Variants in FAM240B observed in about 807,000 individuals in gnomAD.
FAM240B encodes family with sequence similarity 240 member B.
chr9:38,694,487 G>A lies in FAM240B; in HGVS notation c.*289C>T, dbSNP rs7045141. On this transcript the variant is annotated 3_prime_UTR_variant, in exon 3 of 3. Transcript: ENST00000637493. ...ACAAGGAAATGTGGAAATATACTAGGCTACATGGGTCTGTGAGACCTGGAG... is the reference window on the plus strand; with the variant it reads ...ACAAGGAAATGTGGAAATATACTAGACTACATGGGTCTGTGAGACCTGGAG... 2,131 of 290,120 alleles carry A rather than the reference G, an allele frequency of 7.3e-3. 31 individuals are homozygous for A. The highest frequency in any genetic ancestry group is 0.042 in the African/African-American group (1,923 of 46,334). 18.0% of individuals were successfully genotyped at this position (290,120 alleles called of 1,614,324 possible).
intron 2 of FAM240B, among the ~76,000 whole-genome samples, chr9:38,699,591 A>T (rs966216788): frequency 5.9e-5 from 9 of 152,196 alleles, no homozygotes; most frequent in Non-Finnish European, 1.2e-4. Context: ...GAGCCATGTC[A>T]TGCAGGAATT....
chr9:38,704,899 A>G (rs1821171302), intron 1 of FAM240B, among the ~76,000 whole-genome samples: 1 of 152,232 alleles, frequency 6.6e-6, no homozygotes, highest in Non-Finnish European at 1.5e-5. Flanking sequence ...GTCCATCTTC[A>G]GAGCCAGTGC....
rs192626155 is a variant in FAM240B at position 38,712,421 on chromosome 9, T to A, written c.-4+7601A>T. Among the ~76,000 whole-genome samples the A allele has an allele frequency of 3.0e-4, 46 of 152,344 alleles. 1 individual carries two copies. The East Asian group carries it at 8.3e-3, about 27-fold the overall frequency. ...TAGTATCTGCTCAATATTAAATGTG[T>A]CTCATCATCATTATCTATATTTCTA... On this transcript the variant is annotated intron_variant, in intron 1 of 2. Transcript: ENST00000637493.
chr9:38,715,863 A>G (rs572720129), intron 1 of FAM240B, among the ~76,000 whole-genome samples: 92 of 152,262 alleles, frequency 6.0e-4, no homozygotes, highest in African/African-American at 2.1e-3. Context: ...GGGTGCACAT[A>G]GAGTCGAAAT....
intron 1 of FAM240B, among the ~76,000 whole-genome samples, chr9:38,709,542 T>A (rs1353494152): frequency 6.6e-6 from 1 of 152,190 alleles, no homozygotes; most frequent in African/African-American, 2.4e-5. Flanking sequence ...CTATGCCATA[T>A]GCATATGGTG....
chr9:38,718,735 A>C (rs1564002837), intron 1 of FAM240B, among the ~76,000 whole-genome samples: 3 of 138,594 alleles, frequency 2.2e-5, no homozygotes. Flanking sequence ...GGACATATAC[A>C]TAGTTTGAGA....
intron 2 of FAM240B, among the ~76,000 whole-genome samples, chr9:38,696,619 C>T (rs1010312891): frequency 2.0e-5 from 3 of 152,038 alleles, no homozygotes; most frequent in African/African-American, 7.2e-5. Flanking sequence ...ACCATCCTGG[C>T]TAACATGGTG....
chr9:38,695,101 C>T (rs2118995491), intron 2 of FAM240B, among the ~76,000 whole-genome samples: 1 of 152,234 alleles, frequency 6.6e-6, no homozygotes, highest in East Asian at 1.9e-4. Flanking sequence ...AGGACAAATA[C>T]CTAATGCATG....
At chr9:38,712,857 C>T (rs183232428) in intron 1 of FAM240B, among the ~76,000 whole-genome samples, 156 of 152,290 alleles carry the variant, frequency 1.0e-3, no homozygotes, top group Middle Eastern at 3.4e-3. Flanking sequence ...GGGCTGTGAA[C>T]CCACAATGTC....
intron 1 of FAM240B, among the ~76,000 whole-genome samples, chr9:38,712,898 C>A (rs1025985731): frequency 6.6e-6 from 1 of 152,156 alleles, no homozygotes; most frequent in Non-Finnish European, 1.5e-5. Context: ...TCACCCCCCA[C>A]AGTTTGAGCC....
At chr9:38,701,671 G>A (rs1349249919) in intron 2 of FAM240B, among the ~76,000 whole-genome samples, 1 of 152,074 alleles carries the variant, frequency 6.6e-6, no homozygotes, top group Non-Finnish European at 1.5e-5. Context: ...CACTTCGTTG[G>A]GGGAGACTGA....
At chr9:38,701,907 A>AAT (rs1821132315) in intron 2 of FAM240B, among the ~76,000 whole-genome samples, 1 of 151,282 alleles carries the variant, frequency 6.6e-6, no homozygotes, top group Admixed American at 6.6e-5. Context: ...AAAATAGGAG[A>AAT]ACACACACAC....
intron 2 of FAM240B, among the ~76,000 whole-genome samples, chr9:38,701,212 G>A (rs1396311048): frequency 1.3e-5 from 2 of 152,152 alleles, no homozygotes; most frequent in East Asian, 3.8e-4. Context: ...GTGGAGTTGG[G>A]GGAGGCAGAG....
At chr9:38,704,113 T>G (rs935908885) in intron 1 of FAM240B, 111 bp from the exon 2 acceptor site, 18 of 395,346 alleles carry the variant, frequency 4.6e-5, no homozygotes, top group Admixed American at 2.2e-4. Context: ...ACTTGTTTTT[T>G]TTTTTTTTTT....
chr9:38,712,174 C>T (rs964746554), intron 1 of FAM240B, among the ~76,000 whole-genome samples: 3 of 152,140 alleles, frequency 2.0e-5, no homozygotes, highest in African/African-American at 4.8e-5. Flanking sequence ...GAGAAAAAAG[C>T]TTATACTGGA....
rs564906272 is a variant in FAM240B at position 38,712,099 on chromosome 9, C to G, written c.-4+7923G>C. Among the ~76,000 whole-genome samples, 8 of 152,214 alleles carry G rather than the reference C, an allele frequency of 5.3e-5. No homozygotes were observed. The South Asian group carries it at 1.5e-3, about 28-fold the overall frequency. On this transcript the variant is annotated intron_variant, in intron 1 of 2. Coordinates refer to ENST00000637493, the MANE Select transcript of FAM240B (RefSeq NM_001394922.1). ...AGGAGGCTCAGGGGAAATACAACAT[C>G]GTCTGGGCAATATGACTGAGTTCTT...
chr9:38,713,337 G>C (rs1374056828), intron 1 of FAM240B, among the ~76,000 whole-genome samples: 3 of 152,056 alleles, frequency 2.0e-5, no homozygotes, highest in Non-Finnish European at 4.4e-5. Context: ...GATTAGCTGG[G>C]CATGGTGGCG....
intron 2 of FAM240B, among the ~76,000 whole-genome samples, chr9:38,695,903 T>C (rs994247085): frequency 6.6e-6 from 1 of 152,204 alleles, no homozygotes; most frequent in African/African-American, 2.4e-5. Context: ...ATGTGGCCAG[T>C]TGATTTTTCA....
chr9:38,701,894 G>GA (rs1213074484), intron 2 of FAM240B, among the ~76,000 whole-genome samples: 3 of 141,306 alleles, frequency 2.1e-5, no homozygotes, highest in Admixed American at 2.1e-4. Flanking sequence ...AGAAACTTTG[G>GA]AAAAAATAGG....
Sources: allele counts gnomAD v4.1 joint callset (sites outside exome capture counted in the v4.1 genomes callset), GRCh38; gene constraint gnomAD v4.1.1; transcripts MANE v1.5; gene names NCBI Gene and HGNC (gene_info 2026-07-23, HGNC 2026-07-21).